The following SLC30A7 variants were observed in gnomAD, a reference collection of about 807,000 sequenced individuals.
SLC30A7 encodes solute carrier family 30 member 7, also known as zinc transporter 7.
Under a neutral mutation model 46.0 loss-of-function variants are expected in SLC30A7, and 35 were observed. That is an observed-to-expected ratio of 0.76 (90% CI 0.58 to 1.01). SLC30A7 has a LOEUF of 1.01. Among genes scored for constraint, SLC30A7 ranks in the 50% least tolerant of loss-of-function variants. The pLI, the probability that SLC30A7 is intolerant of heterozygous loss-of-function variation, is 0.00. For missense variants in SLC30A7, 464 were observed against 451.1 expected (o/e 1.03, Z -0.26); for synonymous variants, 147 against 157.8 (o/e 0.93, Z 0.51).
chr1:100,929,238 A>G (rs149387408), intron 8 of SLC30A7, among the ~76,000 whole-genome samples: 164 of 152,218 alleles, frequency 1.1e-3, no homozygotes, highest in Non-Finnish European at 1.8e-3. Flanking sequence ...TAATTTCTCT[A>G]TGGTAACATT....
At chr1:100,898,102 G>T (rs1332572198) in intron 2 of SLC30A7, among the ~76,000 whole-genome samples, 1 of 150,506 alleles carries the variant, frequency 6.6e-6, no homozygotes, top group Non-Finnish European at 1.5e-5. Context: ...TGCATATTTT[G>T]TATCAAGAGT....
intron 8 of SLC30A7, among the ~76,000 whole-genome samples, chr1:100,928,740 A>G (rs1004936221): frequency 2.0e-4 from 30 of 152,174 alleles, no homozygotes; most frequent in African/African-American, 6.8e-4. Context: ...TGAAGTAAAG[A>G]AAAACTAGGA....
chr1:100,955,794 T>A (rs1028570485), intron 8 of SLC30A7, among the ~76,000 whole-genome samples: 3 of 152,112 alleles, frequency 2.0e-5, no homozygotes, highest in African/African-American at 7.2e-5. Context: ...TCTTTTACAT[T>A]TTTATGACTC....
intron 2 of SLC30A7, among the ~76,000 whole-genome samples, chr1:100,897,189 T>A (rs1246644439): frequency 6.6e-6 from 1 of 152,208 alleles, no homozygotes; most frequent in Non-Finnish European, 1.5e-5. Flanking sequence ...AACTGTCTCA[T>A]GATTTTCCTG....
intron 8 of SLC30A7, among the ~76,000 whole-genome samples, chr1:100,929,637 A>C (rs1245232299): frequency 6.6e-6 from 1 of 152,082 alleles, no homozygotes; most frequent in African/African-American, 2.4e-5. Flanking sequence ...TGCCATGGAA[A>C]TATATGTCTA....
intron 8 of SLC30A7, among the ~76,000 whole-genome samples, chr1:100,931,220 C>G (rs1653647327): frequency 6.6e-6 from 1 of 152,128 alleles, no homozygotes; most frequent in Non-Finnish European, 1.5e-5. Context: ...GTCCTCAACA[C>G]TTTCTTAGGA....
chr1:100,960,316 G>C (rs896663223), intron 8 of SLC30A7, among the ~76,000 whole-genome samples: 1 of 152,126 alleles, frequency 6.6e-6, no homozygotes, highest in Non-Finnish European at 1.5e-5. Context: ...TGCACTTAAA[G>C]TATGAAAACA....
chr1:100,992,775 C>A, the SLC30A7 span: 1 of 1,418,220 alleles, frequency 7.1e-7, no homozygotes, highest in African/African-American at 1.4e-5. Context: ...CTGTTCTTAG[C>A]CATGAAACTA....
At chr1:100,927,074 G>A (rs924309655) in intron 8 of SLC30A7, among the ~76,000 whole-genome samples, 6 of 152,186 alleles carry the variant, frequency 3.9e-5, no homozygotes, top group Non-Finnish European at 8.8e-5. Context: ...TAACTGGAGC[G>A]CAATGAGCAG....
chr1:100,898,172 T>G (rs1254203173), intron 2 of SLC30A7, among the ~76,000 whole-genome samples: 4 of 152,170 alleles, frequency 2.6e-5, no homozygotes, highest in African/African-American at 9.6e-5. Context: ...TATATATGCA[T>G]ATTTTGCTAC....
rs2101113268 is a variant in SLC30A7 at position 100,981,130 on chromosome 1, T to A, written c.*6273T>A. The stretch of plus-strand genomic sequence containing the variant: ...TTCTACTTTATACTAGCGGGGAAAA[T>A]TTTTTTATTTAGAATTTTAATATTT... On this transcript the variant is annotated 3_prime_UTR_variant, in exon 11 of 11. Coordinates refer to ENST00000357650, the MANE Select transcript of SLC30A7 (RefSeq NM_133496.5). 1 of 152,180 alleles carries A rather than the reference T, an allele frequency of 6.6e-6. No individual in the cohort carries two copies. Among genetic ancestry groups the A allele is most frequent in the East Asian group, 1.9e-4 (1 of 5,186 alleles). The allele number at this position is 152,180 out of a possible 1,614,324, so 9.4% of individuals were successfully genotyped here. A position where few individuals can be genotyped will look rare whatever the true frequency, so the allele number is the denominator to read the frequency against.
chr1:100,922,754 G>A (rs1653027036), intron 8 of SLC30A7, among the ~76,000 whole-genome samples: 1 of 152,110 alleles, frequency 6.6e-6, no homozygotes, highest in South Asian at 2.1e-4. Context: ...AGATTGTACA[G>A]TTGTTATCTT....
At chr1:100,905,814 A>T (rs1246092739) in intron 2 of SLC30A7, among the ~76,000 whole-genome samples, 1 of 152,126 alleles carries the variant, frequency 6.6e-6, no homozygotes, top group Non-Finnish European at 1.5e-5. Context: ...TTTATACCAC[A>T]TCCTTTGACA....
At chr1:100,971,390 A>T (rs889744829) in intron 10 of SLC30A7, among the ~76,000 whole-genome samples, 1 of 151,634 alleles carries the variant, frequency 6.6e-6, no homozygotes, top group Non-Finnish European at 1.5e-5. Flanking sequence ...GTTTTTCCTT[A>T]TCCATCTTCC....
chr1:100,935,448 A>C (rs979819590), intron 8 of SLC30A7, among the ~76,000 whole-genome samples: 1 of 152,154 alleles, frequency 6.6e-6, no homozygotes, highest in African/African-American at 2.4e-5. Flanking sequence ...CTGCCATTTT[A>C]TGCATTTTAT....
rs779051664 is a variant in SLC30A7, at chr1:100,896,370, G to C, written c.80+28G>C. The C allele has an allele frequency of 4.3e-6, 7 of 1,612,494 alleles. No homozygotes were observed. In the Admixed American group the frequency reaches 1.0e-4, roughly 23 times the overall value. The stretch of plus-strand genomic sequence containing the variant: ...GCGGGGTGCTGTGTTTGCGGGGAGG[G>C]GGTGTCCGGCAGAAAGGGAGAAGGC... On this transcript the variant is annotated intron_variant, in intron 1 of 10. Coordinates refer to ENST00000357650, the MANE Select transcript of SLC30A7 (RefSeq NM_133496.5).
intron 7 of SLC30A7, among the ~76,000 whole-genome samples, chr1:100,919,747 A>C (rs557868314): frequency 3.9e-5 from 6 of 152,284 alleles, no homozygotes; most frequent in Middle Eastern, 3.4e-3. Context: ...AATATTTATC[A>C]ATTTATGGTG....
chr1:100,929,034 G>A (rs1182106443), intron 8 of SLC30A7, among the ~76,000 whole-genome samples: 1 of 152,028 alleles, frequency 6.6e-6, no homozygotes, highest in Non-Finnish European at 1.5e-5. Context: ...CTTGTAAAAG[G>A]TCTGTGTCTA....
the SLC30A7 span, among the ~76,000 whole-genome samples, chr1:100,993,342 G>C: frequency 4.0e-5 from 6 of 151,492 alleles, no homozygotes; most frequent in African/African-American, 1.5e-4. Flanking sequence ...CACAAAGTCA[G>C]GAGTTTGAGA....
Sources: gnomAD v4.1 joint callset for allele counts (sites outside exome capture counted in the v4.1 genomes callset) on GRCh38, gnomAD v4.1.1 for gene constraint, MANE v1.5 for transcripts, NCBI Gene and HGNC (gene_info 2026-07-23, HGNC 2026-07-21) for gene names.